Variants in CRY1 observed in about 807,000 individuals in gnomAD.
CRY1 encodes the protein cryptochrome-1.
Under a neutral mutation model 76.0 loss-of-function variants are expected in CRY1, and 45 were observed. The observed-to-expected ratio is 0.59, with a 90% CI of 0.47 to 0.76. The LOEUF is 0.76. Ranked by LOEUF, CRY1 falls within the 30% of genes least tolerant of loss-of-function variation. The probability of loss-of-function intolerance (pLI) is 0.00; values close to 1 mark genes in which losing one functional copy is unlikely to be tolerated. For missense variants in CRY1, 587 were observed against 716.4 expected, an observed-to-expected ratio of 0.82 and a Z score of 2.06; for synonymous variants, 248 against 244.0, an observed-to-expected ratio of 1.02 and a Z score of -0.15.
At chr12:107,075,260 C>T (rs889173138) in intron 1 of CRY1, among the ~76,000 whole-genome samples, 1 of 152,124 alleles carries the variant, frequency 6.6e-6, no homozygotes, top group African/African-American at 2.4e-5. Flanking sequence ...TTCTCAAACA[C>T]GTTCATGCCA....
At chr12:107,011,121 C>T (rs185462970) in intron 2 of CRY1, among the ~76,000 whole-genome samples, 5 of 152,154 alleles carry the variant, frequency 3.3e-5, no homozygotes, top group Admixed American at 3.3e-4. Flanking sequence ...CCAAGGCGGG[C>T]GGATCACGAG....
chr12:107,052,565 A>C (rs964090437), intron 1 of CRY1, among the ~76,000 whole-genome samples: 5 of 152,234 alleles, frequency 3.3e-5, no homozygotes, highest in African/African-American at 1.2e-4. Context: ...TTAAAGGGGA[A>C]ACTGGGACTT....
intron 7 of CRY1, among the ~76,000 whole-genome samples, chr12:106,998,659 AACACACACACAC>A (rs10522970): frequency 1.4e-5 from 2 of 143,350 alleles, no homozygotes; most frequent in African/African-American, 2.7e-5. Flanking sequence ...TAAGAGATTA[AACACACACACAC>A]ACACACACAC....
chr12:107,001,423 C>A, intron 4 of CRY1, 55 bp from the exon 5 acceptor site: 1 of 1,421,920 alleles, frequency 7.0e-7, no homozygotes, highest in Non-Finnish European at 9.8e-7. Context: ...TTTTATTTAA[C>A]CCCAATAACT....
chr12:107,076,305 G>A (rs1174685688), intron 1 of CRY1, among the ~76,000 whole-genome samples: 2 of 151,726 alleles, frequency 1.3e-5, no homozygotes, highest in African/African-American at 2.4e-5. Flanking sequence ...CATAAGAGAC[G>A]ATTTCTTAGA....
At chr12:107,073,229 TTC>T (rs199764438) in intron 1 of CRY1, among the ~76,000 whole-genome samples, 27 of 151,286 alleles carry the variant, frequency 1.8e-4, no homozygotes, top group African/African-American at 5.4e-4. Flanking sequence ...ATTTTTTTAT[TTC>T]TCTCTCTCTC....
chr12:107,090,889 C>T (rs1346977602), intron 1 of CRY1, among the ~76,000 whole-genome samples: 2 of 152,150 alleles, frequency 1.3e-5, no homozygotes, highest in Non-Finnish European at 2.9e-5. Context: ...AATCACCCTC[C>T]CAATGGCTTC....
At chr12:107,041,856 A>G (rs943978550) in intron 1 of CRY1, among the ~76,000 whole-genome samples, 1 of 152,122 alleles carries the variant, frequency 6.6e-6, no homozygotes, top group Admixed American at 6.6e-5. Flanking sequence ...CAGCACCCAG[A>G]TTTTGGTTTT....
chr12:107,068,360 T>TG (rs1953138005), intron 1 of CRY1, among the ~76,000 whole-genome samples: 1 of 152,116 alleles, frequency 6.6e-6, no homozygotes. Flanking sequence ...TGCAGTGCCA[T>TG]GATCTTGGCT....
At chr12:107,081,417 T>C (rs1383179446) in intron 1 of CRY1, among the ~76,000 whole-genome samples, 2 of 152,086 alleles carry the variant, frequency 1.3e-5, no homozygotes, top group Admixed American at 1.3e-4. Context: ...TTTCCCCAGA[T>C]ACATGTATAG....
chr12:107,008,336 G>T (rs576413907), intron 2 of CRY1, among the ~76,000 whole-genome samples: 1 of 152,142 alleles, frequency 6.6e-6, no homozygotes, highest in Non-Finnish European at 1.5e-5. Context: ...AATACACTAA[G>T]TATTTATTAT....
intron 1 of CRY1, among the ~76,000 whole-genome samples, chr12:107,073,977 T>C (rs1389328688): frequency 1.3e-5 from 2 of 152,194 alleles, no homozygotes; most frequent in Non-Finnish European, 2.9e-5. Context: ...ATTAAGCTTA[T>C]CCTAATTTCT....
Position 107,065,037 on chromosome 12 carries a change from C to T in CRY1, c.158+27767G>A, listed in dbSNP as rs189799519. ...ATGGGCTGGGCATGGTGGCTCACACCATTTTCCCAGCACTTTGGGAGGCCA... is the reference window on the plus strand; with the variant it reads ...ATGGGCTGGGCATGGTGGCTCACACTATTTTCCCAGCACTTTGGGAGGCCA... On this transcript the variant is annotated intron_variant, in intron 1 of 12. Transcript: ENST00000008527. Among the ~76,000 whole-genome samples, 28 of 152,270 alleles carry T rather than the reference C, an allele frequency of 1.8e-4. No homozygotes were observed. The East Asian group carries it at 5.4e-3, about 29-fold the overall frequency.
rs141137439 is a variant in CRY1 at position 107,045,705 on chromosome 12, C to T, written c.159-23513G>A. On this transcript the variant is annotated intron_variant, in intron 1 of 12. Transcript: ENST00000008527. ...AAGGAAGGGATCCAGTTTCAGCCTT[C>T]TACCTATGGCTAGCCAGTTGTCCCA... Among the ~76,000 whole-genome samples, 304 of 152,092 alleles carry T rather than the reference C, an allele frequency of 2.0e-3. 3 individuals are homozygous for T. The highest frequency in any genetic ancestry group is 7.0e-3 in the African/African-American group (290 of 41,504).
chr12:107,063,225 T>A (rs558997247), intron 1 of CRY1, among the ~76,000 whole-genome samples: 1 of 152,250 alleles, frequency 6.6e-6, no homozygotes, highest in South Asian at 2.1e-4. Flanking sequence ...TGGAAACCAA[T>A]AGGATTTTTA....
At chr12:106,995,848 G>T (rs973743374) in intron 10 of CRY1, among the ~76,000 whole-genome samples, 5 of 151,934 alleles carry the variant, frequency 3.3e-5, no homozygotes, top group Non-Finnish European at 7.4e-5. Flanking sequence ...GTGTTTTGTT[G>T]TTTTTTGTTT....
chr12:107,009,635 A>C (rs973151823), intron 2 of CRY1, among the ~76,000 whole-genome samples: 1 of 144,920 alleles, frequency 6.9e-6, no homozygotes, highest in African/African-American at 2.5e-5. Flanking sequence ...ACGGTCCGGT[A>C]CGGTGGCTCA....
At chr12:107,077,780 AT>A (rs1416372356) in intron 1 of CRY1, among the ~76,000 whole-genome samples, 1 of 152,036 alleles carries the variant, frequency 6.6e-6, no homozygotes, top group Non-Finnish European at 1.5e-5. Flanking sequence ...TACCTCTCTC[AT>A]AAAAAATCCC....
chr12:107,035,608 CTT>C (rs760384054), intron 1 of CRY1, among the ~76,000 whole-genome samples: 2 of 152,186 alleles, frequency 1.3e-5, no homozygotes, highest in Non-Finnish European at 2.9e-5. Flanking sequence ...CCCAAGGACA[CTT>C]GAATAATAAA....
Sources: gnomAD v4.1 joint callset for allele counts (sites outside exome capture counted in the v4.1 genomes callset) on GRCh38, gnomAD v4.1.1 for gene constraint, MANE v1.5 for transcripts, NCBI Gene and HGNC (gene_info 2026-07-23, HGNC 2026-07-21) for gene names.